Variants in NRXN1 observed in about 807,000 individuals in gnomAD.
NRXN1 encodes neurexin-1.
In NRXN1, 39 loss-of-function variants were observed where a neutral mutation model predicts 150.9. That is an observed-to-expected ratio of 0.26 (90% CI 0.20 to 0.34). The LOEUF (loss-of-function observed/expected upper bound fraction) is 0.34, where lower values mean the gene tolerates loss of function less well. Ranked by LOEUF, NRXN1 falls within the 10% of genes least tolerant of loss-of-function variation. The probability of loss-of-function intolerance (pLI) is 1.00; values close to 1 mark genes in which losing one functional copy is unlikely to be tolerated. For missense variants in NRXN1, 1,815 were observed against 1,949.9 expected (o/e 0.93, Z 1.30); for synonymous variants, 924 against 757.0 (o/e 1.22, Z -3.62).
chr2:50,367,533 T>C (rs1041433932), intron 17 of NRXN1, among the ~76,000 whole-genome samples: 4 of 152,032 alleles, frequency 2.6e-5, no homozygotes, highest in Non-Finnish European at 5.9e-5. Flanking sequence ...CCTGGACTCA[T>C]TCAGAAATAA....
chr2:50,589,141 G>A (rs908121480), intron 8 of NRXN1: 1 of 152,376 alleles, frequency 6.6e-6, no homozygotes, highest in African/African-American at 2.4e-5. Context: ...TGGTATCAAG[G>A]TTGTGGTCTG....
At chr2:49,995,577 C>T (rs1308786800) in intron 21 of NRXN1, among the ~76,000 whole-genome samples, 3 of 151,294 alleles carry the variant, frequency 2.0e-5, no homozygotes, top group Middle Eastern at 3.4e-3. Context: ...GTCAGGAGAT[C>T]GACACCATCC....
intron 19 of NRXN1, among the ~76,000 whole-genome samples, chr2:50,090,374 T>C (rs931913972): frequency 6.6e-6 from 1 of 152,130 alleles, no homozygotes; most frequent in Non-Finnish European, 1.5e-5. Context: ...TTGGGTAAAA[T>C]AGAAATGTAT....
At chr2:49,998,595 C>T (rs763010348) in intron 21 of NRXN1, among the ~76,000 whole-genome samples, 3 of 151,908 alleles carry the variant, frequency 2.0e-5, no homozygotes, top group Non-Finnish European at 4.4e-5. Flanking sequence ...CCAATTTTTG[C>T]TGAAAAACCA....
intron 21 of NRXN1, among the ~76,000 whole-genome samples, chr2:49,977,718 A>T (rs1679234148): frequency 6.6e-6 from 1 of 152,128 alleles, no homozygotes; most frequent in African/African-American, 2.4e-5. Flanking sequence ...TAGTAAAGAG[A>T]TTAGGGTCAA....
At chr2:50,510,327 A>G (rs1266966814) in intron 12 of NRXN1, among the ~76,000 whole-genome samples, 1 of 151,774 alleles carries the variant, frequency 6.6e-6, no homozygotes, top group Non-Finnish European at 1.5e-5. Flanking sequence ...CTCTACTAAA[A>G]ATACAAAAAA....
rs1284558805 is a variant in NRXN1, at chr2:50,506,701, AG to A, written c.2375-85del. 13 of 1,383,314 alleles carry A rather than the reference AG, an allele frequency of 9.4e-6. No homozygotes were observed. In the South Asian group the frequency reaches 1.5e-4, roughly 16 times the overall value. 85.7% of individuals were successfully genotyped at this position (1,383,314 alleles called of 1,614,324 possible). The stretch of plus-strand genomic sequence containing the variant: ...TCACAGAGAGTGAGAGAAAGAGACA[AG>A]GGGGGAAGGTGAGGGAGAGAGAGGA... On this transcript the variant is annotated intron_variant, in intron 12 of 22. Transcript: ENST00000401669.
intron 16 of NRXN1, among the ~76,000 whole-genome samples, chr2:50,467,167 G>T (rs1446814979): frequency 3.3e-5 from 5 of 151,676 alleles, no homozygotes; most frequent in Non-Finnish European, 3.0e-5. Flanking sequence ...TTGGGTATAT[G>T]CCACTTATGA....
chr2:49,998,818 T>C (rs979781126), intron 21 of NRXN1, among the ~76,000 whole-genome samples: 1 of 152,112 alleles, frequency 6.6e-6, no homozygotes, highest in African/African-American at 2.4e-5. Context: ...TTTTTTCATT[T>C]TGAGCCAGCT....
At chr2:50,071,946 C>G (rs1414364136) in intron 19 of NRXN1, among the ~76,000 whole-genome samples, 1 of 152,058 alleles carries the variant, frequency 6.6e-6, no homozygotes, top group Non-Finnish European at 1.5e-5. Flanking sequence ...TTGTAATATT[C>G]TACATTACAG....
At chr2:50,790,588 T>C (rs1224074849) in intron 5 of NRXN1, among the ~76,000 whole-genome samples, 1 of 152,192 alleles carries the variant, frequency 6.6e-6, no homozygotes, top group Non-Finnish European at 1.5e-5. Context: ...GAGATTACTA[T>C]ATTATCCTCT....
chr2:50,453,234 T>TA (rs35879115), intron 17 of NRXN1, among the ~76,000 whole-genome samples: 33,854 of 151,998 alleles, frequency 0.22, 4,497 homozygotes, highest in East Asian at 0.4. Flanking sequence ...TGGAGGCTCC[T>TA]AAAACATAGA....
chr2:50,501,400 A>AGTGTGTGTGTGT (rs368765670), intron 13 of NRXN1, among the ~76,000 whole-genome samples: 4,197 of 148,178 alleles, frequency 0.028, 79 homozygotes, highest in South Asian at 0.046. Flanking sequence ...TGTGTGTGTG[A>AGTGTGTGTGTGT]GTGTGTGTGT....
At chr2:50,524,067 A>C (rs534944144) in intron 12 of NRXN1, among the ~76,000 whole-genome samples, 3 of 152,236 alleles carry the variant, frequency 2.0e-5, no homozygotes, top group Admixed American at 6.5e-5. Context: ...AAAGAAAGGA[A>C]GTGCAGGTAG....
rs529674566 is a variant in NRXN1 at position 50,517,248 on chromosome 2, T to C, written c.2375-10631A>G. ...CTGATTTATGGTAAGCTTTCAATTA[T>C]AGTAGTGATAAAAGTAACTATCATC... On this transcript the variant is annotated intron_variant, in intron 12 of 22. Transcript: ENST00000401669. Among the ~76,000 whole-genome samples, 6 of 152,278 alleles carry C rather than the reference T, an allele frequency of 3.9e-5. No homozygotes were observed. The East Asian group carries it at 9.7e-4, about 25-fold the overall frequency.
intron 5 of NRXN1, among the ~76,000 whole-genome samples, chr2:50,645,093 T>G (rs1684634037): frequency 6.6e-6 from 1 of 151,886 alleles, no homozygotes. Context: ...CCCCAGTCAC[T>G]AAACAAATTG....
intron 2 of NRXN1, among the ~76,000 whole-genome samples, chr2:50,957,066 C>A (rs1000743174): frequency 1.3e-4 from 20 of 152,148 alleles, no homozygotes; most frequent in African/African-American, 4.8e-4. Context: ...CTAAAATGTT[C>A]TCTATGCTTG....
At chr2:50,310,431 C>A (rs2152962767) in intron 17 of NRXN1, among the ~76,000 whole-genome samples, 1 of 152,156 alleles carries the variant, frequency 6.6e-6, no homozygotes, top group East Asian at 1.9e-4. Context: ...TCCTTTGTGC[C>A]CAGGGCTGCT....
At chr2:50,056,831 C>T (rs944474179) in intron 19 of NRXN1, among the ~76,000 whole-genome samples, 4 of 152,070 alleles carry the variant, frequency 2.6e-5, no homozygotes, top group Admixed American at 6.6e-5. Context: ...AATACATACC[C>T]TTTGCTCTAT....
Sources: gnomAD v4.1 joint callset for allele counts (sites outside exome capture counted in the v4.1 genomes callset) on GRCh38, gnomAD v4.1.1 for gene constraint, MANE v1.5 for transcripts, NCBI Gene and HGNC (gene_info 2026-07-23, HGNC 2026-07-21) for gene names.